FBXO31: variants seen among roughly 807,000 people sequenced by gnomAD.
The protein encoded by FBXO31 is F-box protein 31, also known as F-box only protein 31.
FBXO31 carries 24 observed loss-of-function variants against 54.4 expected under a neutral mutation model. That is an observed-to-expected ratio of 0.44 (90% CI 0.32 to 0.62). The LOEUF is 0.62. Among genes scored for constraint, FBXO31 ranks in the 20% least tolerant of loss-of-function variants. The pLI is 0.05. For synonymous variants in FBXO31, 388 were observed against 335.6 expected (o/e 1.16, Z -1.71); for missense variants, 665 against 787.1 (o/e 0.84, Z 1.86).
rs1040894375 is a variant in FBXO31 at position 87,335,307 on chromosome 16, G to A, written c.993C>T (p.Ile331=). Residue 331 remains isoleucine, a synonymous_variant, in exon 7 of 9, where the codon ATC becomes ATT. Transcript: ENST00000311635. The surrounding 1 kb of genome is among the most constrained non-coding windows in gnomAD (Gnocchi z 5.7). ...AACCAGGTCAGCCGCCACTCACCGT[G>A]ATCTTGGTGCCCCTGGCACGCCGGC... ...FHGRRARGTK[I]TGDPNIPAGQ... 1.9e-6 allele frequency: 3 copies of A among 1,613,438 alleles called. No individual in the cohort carries two copies. The highest frequency in any genetic ancestry group is 2.7e-5 in the African/African-American group (2 of 74,940).
Position 87,335,515 on chromosome 16 carries a change from C to T in FBXO31, c.843-58G>A, listed in dbSNP as rs560895737. ...CTCGTGGGGCAGGCAGGACTGAGAA[C>T]GCCCAAGGTGCCAGGGATGAGCTTT... On this transcript the variant is annotated intron_variant, in intron 6 of 8. Transcript: ENST00000311635. This position sits in a 1 kb window ranked among gnomAD's most constrained non-coding sequence, Gnocchi z 5.7. The T allele has an allele frequency of 7.6e-5, 116 of 1,532,938 alleles. No homozygotes were observed. The highest frequency in any genetic ancestry group is 1.9e-4 in the East Asian group (8 of 43,042). 95.0% of individuals were successfully genotyped at this position (1,532,938 alleles called of 1,614,324 possible). A position where few individuals can be genotyped will look rare whatever the true frequency, so the allele number is the denominator to read the frequency against.
chr16:87,335,300 T>C lies in FBXO31; in HGVS notation c.996+4A>G, dbSNP rs765703905. The C allele has an allele frequency of 2.6e-5, 42 of 1,613,236 alleles. 3 individuals carry two copies. In the Middle Eastern group the frequency reaches 4.3e-3, roughly 165 times the overall value. ...CCCCACCAACCAGGTCAGCCGCCACTCACCGTGATCTTGGTGCCCCTGGCA... is the reference window on the plus strand; with the variant it reads ...CCCCACCAACCAGGTCAGCCGCCACCCACCGTGATCTTGGTGCCCCTGGCA... On this transcript the variant is annotated splice_donor_region_variant and intron_variant, in intron 7 of 8. Coordinates refer to ENST00000311635, the MANE Select transcript of FBXO31 (RefSeq NM_024735.5). The surrounding 1 kb of genome is among the most constrained non-coding windows in gnomAD (Gnocchi z 5.7).
chr16:87,369,287 G>A lies in FBXO31; in HGVS notation c.341-8921C>T, dbSNP rs553436876. ...CCGTGCAGCCTCCTCCACCATCCAC[G>A]TGAAGAACCTTTTCATCTTCCCAGA... On this transcript the variant is annotated intron_variant, in intron 1 of 8. Transcript: ENST00000311635. Among the ~76,000 whole-genome samples, 6 of 152,046 alleles carry A rather than the reference G, an allele frequency of 3.9e-5. No homozygotes were observed. In the South Asian group the frequency reaches 1.0e-3, roughly 26 times the overall value.
At chr16:87,342,824 G>A (rs776789296) in intron 5 of FBXO31, 53 bp downstream of exon 5, 2 of 1,487,154 alleles carry the variant, frequency 1.3e-6, no homozygotes, top group Non-Finnish European at 9.1e-7. Flanking sequence ...CTTTCCCCGT[G>A]GGGAAAGGAA....
chr16:87,344,388 C>T (rs375637942), intron 3 of FBXO31, among the ~76,000 whole-genome samples: 5 of 152,214 alleles, frequency 3.3e-5, no homozygotes, highest in African/African-American at 7.2e-5. Flanking sequence ...CGTGTCCGGG[C>T]GCCGATCGTG....
Position 87,365,925 on chromosome 16 carries a change from G to C in FBXO31, c.341-5559C>G, listed in dbSNP as rs555413818. 5.9e-5 allele frequency among the ~76,000 whole-genome samples: 9 copies of C among 152,260 alleles called. 1 individual carries two copies. In the South Asian group the frequency reaches 1.9e-3, roughly 32 times the overall value. On this transcript the variant is annotated intron_variant, in intron 1 of 8. Transcript: ENST00000311635. ...CACCTGTAATCCCAGCTACTCAGGA[G>C]GCTGAGGCAGAAGAATCGCTGGGAA...
At chr16:87,377,530 C>G (rs944027793) in intron 1 of FBXO31, among the ~76,000 whole-genome samples, 2 of 151,952 alleles carry the variant, frequency 1.3e-5, no homozygotes, top group African/African-American at 4.8e-5. Context: ...AAATGTTTTT[C>G]AATATATTAA....
chr16:87,366,659 A>C (rs943848477), intron 1 of FBXO31, among the ~76,000 whole-genome samples: 22 of 152,304 alleles, frequency 1.4e-4, no homozygotes, highest in African/African-American at 4.8e-4. Flanking sequence ...GAAAAATGGG[A>C]AAATATTTAT....
chr16:87,349,808 T>C (rs888767106), intron 2 of FBXO31, among the ~76,000 whole-genome samples: 6 of 148,066 alleles, frequency 4.1e-5, no homozygotes, highest in Non-Finnish European at 8.9e-5. Flanking sequence ...ACCCAGGAGG[T>C]TGAGGTGGGA....
At chr16:87,354,014 G>C (rs1905784935) in intron 2 of FBXO31, among the ~76,000 whole-genome samples, 1 of 152,246 alleles carries the variant, frequency 6.6e-6, no homozygotes, top group Non-Finnish European at 1.5e-5. Flanking sequence ...ATGGGATTCT[G>C]CCTCATGTGC....
chr16:87,333,802 C>A, intron 8 of FBXO31, 84 bp downstream of exon 8: 2 of 1,475,360 alleles, frequency 1.4e-6, no homozygotes, highest in South Asian at 1.3e-5. Flanking sequence ...AGGCCCTCTC[C>A]GCCTGTGCTA....
intron 2 of FBXO31, among the ~76,000 whole-genome samples, chr16:87,359,478 C>G (rs895230940): frequency 3.9e-5 from 6 of 152,212 alleles, no homozygotes; most frequent in African/African-American, 1.4e-4. Context: ...CGGGACATGA[C>G]TTTTGGTGCT....
intron 1 of FBXO31, chr16:87,388,899 T>C (rs572222328): frequency 6.6e-6 from 1 of 152,352 alleles, no homozygotes; most frequent in East Asian, 1.9e-4. Context: ...TTTTCTACTT[T>C]ACATGGATTA....
chr16:87,385,411 T>C (rs571908273), upstream of FBXO31, among the ~76,000 whole-genome samples: 6 of 150,700 alleles, frequency 4.0e-5, no homozygotes, highest in Non-Finnish European at 7.4e-5. Context: ...TGAGCCAAGA[T>C]CGTGCCACTG....
intron 7 of FBXO31, among the ~76,000 whole-genome samples, chr16:87,334,742 C>T (rs1406978337): frequency 1.3e-5 from 2 of 152,254 alleles, no homozygotes; most frequent in Non-Finnish European, 2.9e-5. Context: ...TTCGCCCCTT[C>T]AGGCGCTGTC....
chr16:87,383,760 C>T lies in FBXO31; in HGVS notation c.-16G>A, dbSNP rs895045183. ...ACACCGCCATGCCGCCCAGTGACGG[C>T]CACTGCTGCCGCCTGTGCGCACGCT... On this transcript the variant is annotated 5_prime_UTR_variant, in exon 1 of 9. Transcript: ENST00000311635. This position sits in a 1 kb window ranked among gnomAD's most constrained non-coding sequence, Gnocchi z 4.9. 33 of 1,195,736 alleles carry T rather than the reference C, an allele frequency of 2.8e-5. No homozygotes were observed. In the Middle Eastern group the frequency reaches 1.7e-3, roughly 60 times the overall value. The allele number at this position is 1,195,736 out of a possible 1,614,324, so 74.1% of individuals were successfully genotyped here.
At chr16:87,339,673 C>A (rs943849562) in intron 5 of FBXO31, among the ~76,000 whole-genome samples, 2 of 152,210 alleles carry the variant, frequency 1.3e-5, no homozygotes, top group African/African-American at 4.8e-5. Flanking sequence ...GTGGACATCA[C>A]ACAAACGGCA....
chr16:87,368,020 T>C (rs935181536), intron 1 of FBXO31: 1 of 152,200 alleles, frequency 6.6e-6, no homozygotes, highest in Non-Finnish European at 1.5e-5. Context: ...TTAGCTAGGA[T>C]AGCCACATCA....
rs574110594 is a variant in FBXO31 at position 87,358,769 on chromosome 16, G to T, written c.412+1526C>A. Reference sequence around the variant, plus strand: ...CCATATTTGATCACACTCCTCCCGGGGCCAGCACACTCCCGGCAGGCCCCA... The same window carrying T: ...CCATATTTGATCACACTCCTCCCGGTGCCAGCACACTCCCGGCAGGCCCCA... On this transcript the variant is annotated intron_variant, in intron 2 of 8. Coordinates refer to ENST00000311635, the MANE Select transcript of FBXO31 (RefSeq NM_024735.5). This position sits in a 1 kb window ranked among gnomAD's most constrained non-coding sequence, Gnocchi z 4.0. Among the ~76,000 whole-genome samples, 9 of 152,214 alleles carry T rather than the reference G, an allele frequency of 5.9e-5. No homozygotes were observed. In the South Asian group the frequency reaches 1.9e-3, roughly 32 times the overall value.
Sources: gnomAD v4.1 joint callset for allele counts (sites outside exome capture counted in the v4.1 genomes callset) on GRCh38, gnomAD v4.1.1 for gene constraint, Gnocchi (gnomAD v3.1) non-coding constraint, MANE v1.5 for transcripts, NCBI Gene and HGNC (gene_info 2026-07-23, HGNC 2026-07-21) for gene names.